The following TTC28 variants were observed in gnomAD, a reference collection of about 807,000 sequenced individuals.
The protein encoded by TTC28 is tetratricopeptide repeat domain 28.
Under a neutral mutation model 198.0 loss-of-function variants are expected in TTC28, and 61 were observed. The observed-to-expected ratio is 0.31, with a 90% CI of 0.25 to 0.38. The LOEUF is 0.38. Among genes scored for constraint, TTC28 ranks in the 10% least tolerant of loss-of-function variants. The pLI is 1.00. For missense variants in TTC28, 2,678 were observed against 3,164.0 expected (o/e 0.85, Z 3.69); for synonymous variants, 1,171 against 1,297.8 (o/e 0.90, Z 2.10).
chr22:28,637,880 G>A (rs1426469449), intron 1 of TTC28, among the ~76,000 whole-genome samples: 12 of 151,960 alleles, frequency 7.9e-5, no homozygotes, highest in Non-Finnish European at 5.9e-5. Context: ...GATATTCCAC[G>A]CAAAATGGAA....
intron 15 of TTC28, chr22:27,999,751 C>G (rs964531591): frequency 3.2e-5 from 5 of 155,566 alleles, no homozygotes; most frequent in African/African-American, 1.2e-4. Flanking sequence ...TACATACTGA[C>G]AAGATTCTAG....
chr22:28,105,895 T>C, intron 7 of TTC28, 93 bp from the exon 8 acceptor site: 1 of 1,391,570 alleles, frequency 7.2e-7, no homozygotes, highest in South Asian at 1.5e-5. Flanking sequence ...TTTGTCACTG[T>C]CACTTACTAT....
intron 5 of TTC28, among the ~76,000 whole-genome samples, chr22:28,231,959 A>G (rs1422443361): frequency 6.6e-6 from 1 of 152,252 alleles, no homozygotes; most frequent in Non-Finnish European, 1.5e-5. Flanking sequence ...AGTAGTTCAT[A>G]ATTGAGAAAG....
chr22:28,478,363 GC>G (rs1206290319), intron 2 of TTC28, among the ~76,000 whole-genome samples: 1 of 152,048 alleles, frequency 6.6e-6, no homozygotes, highest in Admixed American at 6.5e-5. Context: ...ACAAAAATTA[GC>G]CAGGCATGGT....
chr22:28,106,445 A>C (rs1036305047), intron 7 of TTC28, among the ~76,000 whole-genome samples: 10 of 152,214 alleles, frequency 6.6e-5, no homozygotes, highest in African/African-American at 2.4e-4. Context: ...AGTTCCCCTG[A>C]GCCTCCAATT....
intron 2 of TTC28, among the ~76,000 whole-genome samples, chr22:28,439,195 G>A (rs1369619506): frequency 6.6e-6 from 1 of 152,206 alleles, no homozygotes; most frequent in Non-Finnish European, 1.5e-5. Context: ...TAAGTGTAAT[G>A]AGGAGGCAAG....
intron 2 of TTC28, among the ~76,000 whole-genome samples, chr22:28,441,235 T>C (rs1476257227): frequency 2.0e-5 from 3 of 152,174 alleles, no homozygotes; most frequent in Admixed American, 6.5e-5. Context: ...TTGGGTAAAA[T>C]AGAAAAAGCA....
At chr22:28,118,152 A>G (rs1025462452) in intron 6 of TTC28, among the ~76,000 whole-genome samples, 1 of 152,202 alleles carries the variant, frequency 6.6e-6, no homozygotes, top group Non-Finnish European at 1.5e-5. Context: ...TAATCCCAAC[A>G]CTTTGGGAGG....
chr22:28,253,298 T>C (rs780725657), intron 5 of TTC28, among the ~76,000 whole-genome samples: 13 of 152,244 alleles, frequency 8.5e-5, no homozygotes, highest in Non-Finnish European at 1.3e-4. Context: ...TAAATAGTTA[T>C]AGTTCTGGTA....
intron 12 of TTC28, among the ~76,000 whole-genome samples, chr22:28,048,793 G>A (rs757120522): frequency 2.4e-4 from 36 of 152,062 alleles, no homozygotes; most frequent in Non-Finnish European, 4.4e-4. Context: ...ACACCTTGCA[G>A]TGGGCCACCT....
intron 2 of TTC28, among the ~76,000 whole-genome samples, chr22:28,605,891 C>T (rs990364208): frequency 6.6e-6 from 1 of 152,082 alleles, no homozygotes; most frequent in African/African-American, 2.4e-5. Context: ...GTCTATTAAA[C>T]TGCATGGTGT....
chr22:28,567,481 T>TATATATATATATATAC lies in TTC28; in HGVS notation c.381+62070_381+62071insGTATATATATATATAT, dbSNP rs2049993841. Among the ~76,000 whole-genome samples the TATATATATATATATAC allele has an allele frequency of 2.3e-5, 2 of 86,946 alleles. 1 individual carries two copies. Among genetic ancestry groups the TATATATATATATATAC allele is most frequent in the Non-Finnish European group, 5.1e-5 (2 of 39,068 alleles). 57.0% of individuals were successfully genotyped at this position (86,946 alleles called of 152,430 possible). On this transcript the variant is annotated intron_variant, in intron 2 of 22. Transcript: ENST00000397906. ...CACCACACGCATATACATACATACA[T>TATATATATATATATAC]ATATATATATATATATATATATATA...
intron 2 of TTC28, among the ~76,000 whole-genome samples, chr22:28,392,870 C>CTTTTTTTTTTT (rs1245558034): frequency 3.7e-5 from 3 of 80,674 alleles, no homozygotes; most frequent in African/African-American, 5.0e-5. Context: ...TTCCTCCCTC[C>CTTTTTTTTTTT]TTTTTTTTTT....
chr22:28,094,324 T>C, intron 11 of TTC28, 79 bp from the exon 12 acceptor site: 2 of 1,397,622 alleles, frequency 1.4e-6, no homozygotes, highest in Non-Finnish European at 1.9e-6. Context: ...GGGACAGGAA[T>C]GCCAATGGTA....
intron 2 of TTC28, among the ~76,000 whole-genome samples, chr22:28,347,971 G>A (rs754171365): frequency 2.6e-5 from 4 of 152,220 alleles, no homozygotes; most frequent in Non-Finnish European, 5.9e-5. Context: ...TACCAGACTG[G>A]TATCAACCAA....
At chr22:28,092,117 G>T (rs130413) in intron 12 of TTC28, among the ~76,000 whole-genome samples, 118,059 of 152,102 alleles carry the variant, frequency 0.78, 46,420 homozygotes, top group Admixed American at 0.86. Context: ...TCATTTGGTT[G>T]CTCATGTAAA....
At chr22:28,108,872 T>C (rs1429215709) in intron 6 of TTC28, among the ~76,000 whole-genome samples, 1 of 152,150 alleles carries the variant, frequency 6.6e-6, no homozygotes, top group Non-Finnish European at 1.5e-5. Context: ...CCTTTAATAA[T>C]CAATGAAATG....
At chr22:28,016,201 A>G (rs1049751300) in intron 13 of TTC28, among the ~76,000 whole-genome samples, 9 of 152,108 alleles carry the variant, frequency 5.9e-5, no homozygotes, top group African/African-American at 1.7e-4. Flanking sequence ...GAAACGTGTA[A>G]TTACAAGTGA....
intron 2 of TTC28, among the ~76,000 whole-genome samples, chr22:28,514,730 T>C (rs919293447): frequency 2.0e-5 from 3 of 152,198 alleles, no homozygotes; most frequent in African/African-American, 7.2e-5. Flanking sequence ...TCAATACATA[T>C]GGTATGCATT....
Sources: gnomAD v4.1 joint callset for allele counts (sites outside exome capture counted in the v4.1 genomes callset) on GRCh38, gnomAD v4.1.1 for gene constraint, MANE v1.5 for transcripts, NCBI Gene and HGNC (gene_info 2026-07-23, HGNC 2026-07-21) for gene names.